Variants in TRPM1 observed in about 807,000 individuals in gnomAD.
The protein encoded by TRPM1 is transient receptor potential cation channel subfamily M member 1.
Under a neutral mutation model 149.4 loss-of-function variants are expected in TRPM1, and 113 were observed. The observed-to-expected ratio is 0.76, with a 90% confidence interval of 0.65 to 0.88. The LOEUF (loss-of-function observed/expected upper bound fraction) is 0.88. Ranked by LOEUF, TRPM1 falls within the 40% of genes least tolerant of loss-of-function variation. The pLI, the probability that TRPM1 is intolerant of heterozygous loss-of-function variation, is 0.00. For synonymous variants in TRPM1, 741 were observed against 759.5 expected, an observed-to-expected ratio of 0.98 and a Z score of 0.40; for missense variants, 1,976 against 2,038.7, an observed-to-expected ratio of 0.97 and a Z score of 0.59.
intron 6 of TRPM1, among the ~76,000 whole-genome samples, chr15:31,066,656 G>A (rs754934228): frequency 1.7e-4 from 26 of 152,164 alleles, no homozygotes; most frequent in Non-Finnish European, 3.1e-4. Flanking sequence ...CAACCTGGAC[G>A]CGTGTTCAGA....
intron 1 of TRPM1, among the ~76,000 whole-genome samples, chr15:31,129,642 A>G (rs1034422557): frequency 1.3e-5 from 2 of 152,220 alleles, no homozygotes; most frequent in Non-Finnish European, 2.9e-5. Context: ...AGAGGGATAG[A>G]AAGGAGTAAA....
intron 1 of TRPM1, among the ~76,000 whole-genome samples, chr15:31,091,288 C>T (rs79638188): frequency 0.031 from 4,718 of 152,314 alleles, 249 homozygotes; most frequent in African/African-American, 0.11. Flanking sequence ...CAGTGCTGGA[C>T]GTAAATCTTG....
At chr15:31,064,765 A>C (rs1436933082) in intron 7 of TRPM1, among the ~76,000 whole-genome samples, 1 of 152,180 alleles carries the variant, frequency 6.6e-6, no homozygotes, top group Non-Finnish European at 1.5e-5. Flanking sequence ...GGACTCTTAC[A>C]TATGTTGAAT....
At chr15:31,070,669 C>T (rs1003708423) in intron 3 of TRPM1, among the ~76,000 whole-genome samples, 5 of 152,092 alleles carry the variant, frequency 3.3e-5, no homozygotes, top group Admixed American at 6.6e-5. Context: ...ATCCTCTCAC[C>T]TCAGCCTCCC....
At chr15:31,008,929 G>A (rs2032087671) in intron 27 of TRPM1, among the ~76,000 whole-genome samples, 1 of 152,180 alleles carries the variant, frequency 6.6e-6, no homozygotes, top group East Asian at 1.9e-4. Flanking sequence ...GCTTTTGACT[G>A]TCAAATATAC....
rs1323616227 is a variant in TRPM1 at position 31,002,638 on chromosome 15, T to C, written c.4062A>G (p.Thr1354=). ...NSLHLSLGTS[T]SATPDGSHLA... is the part of the protein sequence containing the mutation. ...GGTGACTGCCATCTGGGGTTGCTGA[T>C]GTGCTTGTGCCCAGTGAAAGGTGAA... Residue 1354 remains threonine (T), a synonymous_variant, in exon 28 of 28, where the codon ACA becomes ACG. Transcript: ENST00000256552. The C allele has an allele frequency of 6.2e-7, 1 of 1,614,244 alleles. No individual in the cohort carries two copies. Among genetic ancestry groups the C allele is most frequent in the Admixed American group, 1.7e-5 (1 of 60,030 alleles).
At chr15:31,145,357 A>T (rs1247410031) in intron 1 of TRPM1, among the ~76,000 whole-genome samples, 2 of 151,536 alleles carry the variant, frequency 1.3e-5, no homozygotes, top group Non-Finnish European at 2.9e-5. Context: ...ACCCCTTTTA[A>T]TTTTTTTTTA....
At chr15:31,028,578 T>C (rs2140904344) in intron 24 of TRPM1, 102 bp from the exon 25 acceptor site, 7 of 1,339,922 alleles carry the variant, frequency 5.2e-6, no homozygotes, top group South Asian at 3.8e-5. Flanking sequence ...TTTAATATGA[T>C]TCTTTCTTAT....
intron 1 of TRPM1, among the ~76,000 whole-genome samples, chr15:31,154,727 C>T (rs529005341): frequency 1.3e-5 from 2 of 152,262 alleles, no homozygotes; most frequent in Non-Finnish European, 2.9e-5. Flanking sequence ...TCTGACCCTC[C>T]CTAAACTGCT....
Position 31,062,680 on chromosome 15 carries a change from C to T in TRPM1, c.988G>A (p.Glu330Lys), listed in dbSNP as rs759188044. 1 of 1,614,068 alleles carries T rather than the reference C, an allele frequency of 6.2e-7. No individual in the cohort carries two copies. Among genetic ancestry groups the T allele is most frequent in the East Asian group, 2.2e-5 (1 of 44,880 alleles). ...TTCTGAATGGTAACTAGAAGCTGCT[C>T]CCTGAGGGACTCATTTATTATTCTG... ...EGGIINESLR[E>K]QLLVTIQKTF... The change falls in exon 9 of 28, where the codon GAG (glutamate) becomes AAG (lysine). Residue 330 changes from glutamate (E) to lysine (K), a missense_variant. Physicochemically the swap from Glu to Lys is moderately conservative, Grantham distance 56 (BLOSUM62 1). Transcript: ENST00000256552.
At chr15:31,113,698 G>C (rs143085681) in intron 1 of TRPM1, among the ~76,000 whole-genome samples, 2 of 151,994 alleles carry the variant, frequency 1.3e-5, no homozygotes, top group African/African-American at 2.4e-5. Flanking sequence ...TGTGCCCATA[G>C]TTAGTTCATT....
At chr15:31,111,931 G>T (rs967056532) in intron 1 of TRPM1, among the ~76,000 whole-genome samples, 3 of 152,068 alleles carry the variant, frequency 2.0e-5, no homozygotes, top group African/African-American at 7.2e-5. Flanking sequence ...CTAGTAAATC[G>T]CAGTGAAACT....
At chr15:31,103,812 C>CAAAAAAAAA, upstream of TRPM1, among the ~76,000 whole-genome samples, 1 of 62,396 alleles carries the variant, frequency 1.6e-5, no homozygotes. Context: ...GACTCTGTAT[C>CAAAAAAAAA]CAAAAAAAAA....
chr15:31,078,460 T>C (rs983506820), intron 2 of TRPM1, among the ~76,000 whole-genome samples: 7 of 152,186 alleles, frequency 4.6e-5, no homozygotes, highest in African/African-American at 4.8e-5. Flanking sequence ...TTTTGAATAA[T>C]AGAAATGATG....
intron 1 of TRPM1, among the ~76,000 whole-genome samples, chr15:31,113,631 T>C (rs75725053): frequency 0.044 from 6,724 of 152,250 alleles, 535 homozygotes; most frequent in African/African-American, 0.15. Context: ...CACTTTACTG[T>C]ACAAATTATT....
At chr15:31,062,893 A>G in intron 8 of TRPM1, 191 bp from the exon 9 acceptor site, 1 of 969,492 alleles carries the variant, frequency 1.0e-6, no homozygotes, top group South Asian at 1.5e-5. Flanking sequence ...CAAACTTTCT[A>G]AGGGCAAATG....
intron 3 of TRPM1, among the ~76,000 whole-genome samples, chr15:31,074,380 T>C (rs919712100): frequency 6.6e-6 from 1 of 152,182 alleles, no homozygotes; most frequent in African/African-American, 2.4e-5. Context: ...TTACTCCTTA[T>C]AGATCTGTTC....
In TRPM1 at chr15:31,047,920, G is replaced by A. The variant is rs2033827112; in HGVS notation, c.1592C>T (p.Thr531Ile). The A allele has an allele frequency of 6.2e-7, 1 of 1,613,976 alleles. No individual in the cohort carries two copies. The highest frequency in any genetic ancestry group is 8.5e-7 in the Non-Finnish European group (1 of 1,179,818). ...LYNTRLGPPN[T>I]LHLLVRDVKK... Reference sequence around the variant, plus strand: ...CACATCCCTCACCAGCAGATGAAGTGTGTTTGGTGGACCCAGTCTCTGAAA... The same window carrying A: ...CACATCCCTCACCAGCAGATGAAGTATGTTTGGTGGACCCAGTCTCTGAAA... The change falls in exon 14 of 28, where the codon ACA becomes ATA. Residue 531 changes from threonine to isoleucine, a missense_variant. Thr to Ile is a moderately conservative substitution (Grantham distance 89). Coordinates refer to ENST00000256552, the MANE Select transcript of TRPM1 (RefSeq NM_001252024.2).
chr15:31,060,712 G>A, intron 10 of TRPM1, 68 bp from the exon 11 acceptor site: 1 of 1,308,922 alleles, frequency 7.6e-7, no homozygotes, highest in Non-Finnish European at 1.1e-6. Flanking sequence ...GGCAGGTGCT[G>A]GGTGGTGAGC....
Sources: allele counts gnomAD v4.1 joint callset (sites outside exome capture counted in the v4.1 genomes callset), GRCh38; gene constraint gnomAD v4.1.1; transcripts MANE v1.5; gene names NCBI Gene and HGNC (gene_info 2026-07-23, HGNC 2026-07-21).